Variants in ARHGAP44 observed in about 807,000 individuals in gnomAD.
ARHGAP44 encodes Rho GTPase activating protein 44, also known as rho GTPase-activating protein 44.
ARHGAP44 carries 43 observed loss-of-function variants against 106.8 expected under a neutral mutation model. The observed-to-expected ratio is 0.40, with a 90% confidence interval of 0.32 to 0.52. The LOEUF (loss-of-function observed/expected upper bound fraction) is 0.52. Ranked by LOEUF, ARHGAP44 falls within the 20% of genes least tolerant of loss-of-function variation. The pLI is 0.48. For missense variants in ARHGAP44, 866 were observed against 1,050.5 expected (o/e 0.82, Z 2.43); for synonymous variants, 439 against 410.3 (o/e 1.07, Z -0.85).
intron 1 of ARHGAP44, among the ~76,000 whole-genome samples, chr17:12,821,794 T>A (rs980301697): frequency 1.3e-5 from 2 of 152,202 alleles, no homozygotes; most frequent in Non-Finnish European, 2.9e-5. Flanking sequence ...ACTTTCACAA[T>A]GTTGCTTATT....
intron 1 of ARHGAP44, among the ~76,000 whole-genome samples, chr17:12,834,627 C>T (rs570223101): frequency 1.3e-5 from 2 of 152,192 alleles, no homozygotes; most frequent in Non-Finnish European, 2.9e-5. Context: ...AACATAGTTC[C>T]GTTACTAAAA....
chr17:12,815,456 A>T (rs111645953), intron 1 of ARHGAP44, among the ~76,000 whole-genome samples: 1 of 152,222 alleles, frequency 6.6e-6, no homozygotes, highest in African/African-American at 2.4e-5. Flanking sequence ...AGCACATAAC[A>T]AAGAGGTAAA....
At chr17:12,947,312 A>T (rs764112862) in intron 10 of ARHGAP44, among the ~76,000 whole-genome samples, 2 of 152,086 alleles carry the variant, frequency 1.3e-5, no homozygotes, top group African/African-American at 4.8e-5. Context: ...GGTGTTCCTA[A>T]TGTAACCATC....
intron 1 of ARHGAP44, among the ~76,000 whole-genome samples, chr17:12,827,949 G>A (rs2034969049): frequency 7.0e-6 from 1 of 143,170 alleles, no homozygotes; most frequent in South Asian, 2.2e-4. Context: ...TGAGGCAGGA[G>A]AATCACTTGA....
At chr17:12,973,939 C>A in intron 17 of ARHGAP44, 150 bp from the exon 18 acceptor site, 1 of 819,786 alleles carries the variant, frequency 1.2e-6, no homozygotes, top group Non-Finnish European at 2.0e-6. Context: ...GCTGGGAGCA[C>A]AGCCCCCAAT....
chr17:12,956,627 C>T lies in ARHGAP44; in HGVS notation c.1251-28C>T, dbSNP rs578223379. ...AGCTTGCCTCAGCTGCTAACTCCAC[C>T]CTGTTTGCCTCTGCTCTCTGCTTAC... is the stretch of plus-strand genomic sequence containing the variant. On this transcript the variant is annotated intron_variant, in intron 14 of 20. Coordinates refer to ENST00000379672, the MANE Select transcript of ARHGAP44 (RefSeq NM_014859.6). The T allele has an allele frequency of 8.1e-6, 13 of 1,604,248 alleles. No homozygotes were observed. The African/African-American group carries it at 1.6e-4, about 20-fold the overall frequency.
At chr17:12,857,633 G>A (rs375129864) in intron 1 of ARHGAP44, among the ~76,000 whole-genome samples, 2 of 152,136 alleles carry the variant, frequency 1.3e-5, no homozygotes, top group South Asian at 4.1e-4. Context: ...CCATGCAGTT[G>A]TCCTGGTGAA....
At chr17:12,818,016 A>G (rs1431633928) in intron 1 of ARHGAP44, among the ~76,000 whole-genome samples, 1 of 152,050 alleles carries the variant, frequency 6.6e-6, no homozygotes, top group East Asian at 1.9e-4. Context: ...GGTCTTTATT[A>G]CACTGATAGT....
intron 1 of ARHGAP44, among the ~76,000 whole-genome samples, chr17:12,870,454 A>T (rs74563094): frequency 0.041 from 6,264 of 152,222 alleles, 435 homozygotes; most frequent in African/African-American, 0.14. Context: ...GCAGCAGTGG[A>T]TGAGCATCCC....
chr17:12,990,217 C>T lies in ARHGAP44; in HGVS notation c.*46C>T, dbSNP rs1423268000. The T allele has an allele frequency of 5.1e-6, 8 of 1,575,306 alleles. No homozygotes were observed. The highest frequency in any genetic ancestry group is 6.9e-6 in the Non-Finnish European group (8 of 1,151,790). ...CTCGCGTGTACATACATCACGGGCC[C>T]TAGGAACGCCGCCAGGAGCAGCGTC... On this transcript the variant is annotated 3_prime_UTR_variant, in exon 21 of 21. Transcript: ENST00000379672.
intron 7 of ARHGAP44, among the ~76,000 whole-genome samples, chr17:12,938,927 A>G (rs76197381): frequency 6.6e-6 from 1 of 152,170 alleles, no homozygotes; most frequent in Non-Finnish European, 1.5e-5. Flanking sequence ...CTGTTAGAGA[A>G]GCACAGATGC....
chr17:12,958,528 A>G lies in ARHGAP44; in HGVS notation c.1343-189A>G, dbSNP rs1048712439. 6.6e-6 allele frequency among the ~76,000 whole-genome samples: 1 copy of G among 151,288 alleles called. No homozygotes were observed. Among genetic ancestry groups the G allele is most frequent in the Admixed American group, 6.6e-5 (1 of 15,156 alleles). ...TGACATTGCTTTATTAAATGCCTAT[A>G]TAGGTGATCACATGTGTCCCCCTTT... On this transcript the variant is annotated intron_variant, in intron 15 of 20. Coordinates refer to ENST00000379672, the MANE Select transcript of ARHGAP44 (RefSeq NM_014859.6). This position sits in a 1 kb window ranked among gnomAD's most constrained non-coding sequence, Gnocchi z 4.1.
At chr17:12,956,072 C>A in intron 14 of ARHGAP44, 92 bp downstream of exon 14, 1 of 846,510 alleles carries the variant, frequency 1.2e-6, no homozygotes, top group Non-Finnish European at 1.9e-6. Context: ...TAGCTGAGCA[C>A]CAGCCTCATG....
chr17:12,819,406 A>G (rs961024208), intron 1 of ARHGAP44, among the ~76,000 whole-genome samples: 1 of 152,032 alleles, frequency 6.6e-6, no homozygotes, highest in Admixed American at 6.6e-5. Context: ...AACATTATGG[A>G]ACAAATCTCT....
chr17:12,959,823 G>A (rs1013719200), intron 16 of ARHGAP44, among the ~76,000 whole-genome samples: 1 of 152,246 alleles, frequency 6.6e-6, no homozygotes, highest in African/African-American at 2.4e-5. Context: ...TTGAATGGGA[G>A]TATCGGAAAT....
intron 1 of ARHGAP44, among the ~76,000 whole-genome samples, chr17:12,791,907 G>C (rs1290396862): frequency 1.3e-5 from 2 of 152,146 alleles, no homozygotes; most frequent in East Asian, 3.9e-4. Context: ...ATGAAATCCA[G>C]AGCAAGCCTT....
At chr17:12,851,909 A>T (rs1247767533) in intron 1 of ARHGAP44, among the ~76,000 whole-genome samples, 1 of 151,780 alleles carries the variant, frequency 6.6e-6, no homozygotes, top group Non-Finnish European at 1.5e-5. Context: ...CGTTTGGTGG[A>T]ATGTTAGTGT....
intron 1 of ARHGAP44, among the ~76,000 whole-genome samples, chr17:12,857,364 G>C (rs2035942122): frequency 1.3e-5 from 2 of 152,176 alleles, no homozygotes; most frequent in Non-Finnish European, 2.9e-5. Flanking sequence ...TAAGAGCATG[G>C]AACTAGCATC....
chr17:12,964,692 G>A (rs776927530), intron 16 of ARHGAP44, among the ~76,000 whole-genome samples: 10 of 152,134 alleles, frequency 6.6e-5, no homozygotes, highest in Non-Finnish European at 1.3e-4. Flanking sequence ...GCTGAGGCAG[G>A]AGAATTGCTT....
Sources: gnomAD v4.1 joint callset for allele counts (sites outside exome capture counted in the v4.1 genomes callset) on GRCh38, gnomAD v4.1.1 for gene constraint, Gnocchi (gnomAD v3.1) non-coding constraint, MANE v1.5 for transcripts, NCBI Gene and HGNC (gene_info 2026-07-23, HGNC 2026-07-21) for gene names.